The following MCF2L variants were observed in gnomAD, a reference collection of about 807,000 sequenced individuals.
The protein encoded by MCF2L is MCF.2 cell line derived transforming sequence like, also known as guanine nucleotide exchange factor DBS.
Under a neutral mutation model 153.4 loss-of-function variants are expected in MCF2L, and 97 were observed. The ratio of observed to expected loss-of-function variants is 0.63; its 90% CI spans 0.54 to 0.75. The LOEUF (loss-of-function observed/expected upper bound fraction) is 0.75. Ranked by LOEUF, MCF2L falls within the 30% of genes least tolerant of loss-of-function variation. The pLI is 0.00. For synonymous variants in MCF2L, 659 were observed against 632.2 expected, an observed-to-expected ratio of 1.04 and a Z score of -0.64; for missense variants, 1,347 against 1,495.2, an observed-to-expected ratio of 0.90 and a Z score of 1.64.
At chr13:113,080,361 G>A (rs1340266990) in intron 15 of MCF2L, among the ~76,000 whole-genome samples, 1 of 152,124 alleles carries the variant, frequency 6.6e-6, no homozygotes, top group African/African-American at 2.4e-5. Flanking sequence ...GCCCTGAGAC[G>A]CAGAAGGAGT....
At chr13:112,988,109 A>G (rs980514813) in intron 1 of MCF2L, among the ~76,000 whole-genome samples, 2 of 152,126 alleles carry the variant, frequency 1.3e-5, no homozygotes, top group African/African-American at 2.4e-5. Flanking sequence ...TGGGGCTGAG[A>G]CCAGGAGTTT....
rs1456342136 is a variant in MCF2L at position 112,983,390 on chromosome 13, C to T, written c.79+13932C>T. Among the ~76,000 whole-genome samples the T allele has an allele frequency of 1.3e-5, 2 of 152,254 alleles. No homozygotes were observed. The highest frequency in any genetic ancestry group is 2.9e-5 in the Non-Finnish European group (2 of 68,050). On this transcript the variant is annotated intron_variant, in intron 1 of 29. Transcript: ENST00000535094. The surrounding 1 kb of genome is among the most constrained non-coding windows in gnomAD (Gnocchi z 4.0). ...CTGCGGAAACCCAGGCCGGACCTCA[C>T]AATTGCAGGATGAGCCTCCTCCCTT...
intron 1 of MCF2L, among the ~76,000 whole-genome samples, chr13:112,986,407 C>A (rs116046659): frequency 6.6e-6 from 1 of 152,316 alleles, no homozygotes; most frequent in South Asian, 2.1e-4. Flanking sequence ...GAGCGTCCCA[C>A]GAACGGTGTG....
chr13:112,967,518 G>A (rs1303628493), upstream of MCF2L: 1 of 152,156 alleles, frequency 6.6e-6, no homozygotes, highest in Non-Finnish European at 1.5e-5. Flanking sequence ...CTTTCTATCT[G>A]GTTATTATGC....
At chr13:113,076,920 C>T (rs867587803) in intron 12 of MCF2L, 132 bp from the exon 13 acceptor site, 11 of 992,474 alleles carry the variant, frequency 1.1e-5, no homozygotes, top group Admixed American at 5.1e-5. Context: ...AGCTGCGCTG[C>T]GCTGACAGAC....
chr13:113,051,720 A>T (rs968039646), intron 4 of MCF2L, among the ~76,000 whole-genome samples: 3 of 152,188 alleles, frequency 2.0e-5, no homozygotes, highest in African/African-American at 7.2e-5. Context: ...ACGAAAAAGA[A>T]TTCATGCCTT....
rs1276781146 is a variant in MCF2L at position 112,904,533 on chromosome 13, C to T, written c.169+2162C>T. 6.6e-6 allele frequency among the ~76,000 whole-genome samples: 1 copy of T among 152,228 alleles called. No homozygotes were observed. Among genetic ancestry groups the T allele is most frequent in the Non-Finnish European group, 1.5e-5 (1 of 68,026 alleles). ...TGGCTCTTAATAATGTCACATCTGA[C>T]TTCTTCCTCCCCTAACTCGCAAAAC... On this transcript the variant is annotated intron_variant, in intron 2 of 29. Transcript: ENST00000375608. This position sits in a 1 kb window ranked among gnomAD's most constrained non-coding sequence, Gnocchi z 4.2.
At chr13:112,920,496 C>T (rs1043976551) in intron 2 of MCF2L, among the ~76,000 whole-genome samples, 1 of 152,082 alleles carries the variant, frequency 6.6e-6, no homozygotes, top group Non-Finnish European at 1.5e-5. Flanking sequence ...TAGAATTTAC[C>T]ATCTGTTGAA....
chr13:112,927,476 G>A (rs1933203), intron 2 of MCF2L, among the ~76,000 whole-genome samples: 23,712 of 151,920 alleles, frequency 0.16, 1,990 homozygotes, highest in South Asian at 0.21. Context: ...ATAAATGACC[G>A]GGTCTGGGGA....
intron 2 of MCF2L, among the ~76,000 whole-genome samples, chr13:112,914,227 G>C (rs1459010217): frequency 6.6e-6 from 1 of 152,198 alleles, no homozygotes; most frequent in African/African-American, 2.4e-5. Context: ...AGAGGGCCTT[G>C]CCATGTGCGA....
intron 4 of MCF2L, among the ~76,000 whole-genome samples, chr13:113,048,332 AT>A (rs1401598616): frequency 1.3e-5 from 2 of 151,978 alleles, no homozygotes; most frequent in African/African-American, 4.8e-5. Flanking sequence ...AATTCTCAGA[AT>A]TGACCAACAT....
In MCF2L at chr13:113,085,036, C is replaced by G. The variant is rs879248319; in HGVS notation, c.2155-50C>G. ...CGTTACTCCCTTTCCTAGCCGACTC[C>G]TGAGGAATAATGAAAATTGTGCAAA... On this transcript the variant is annotated intron_variant, in intron 19 of 29. Transcript: ENST00000535094. The G allele has an allele frequency of 8.7e-6, 14 of 1,612,046 alleles. No individual in the cohort carries two copies. In the South Asian group the frequency reaches 1.2e-4, roughly 14 times the overall value.
chr13:112,987,084 C>T (rs1371912559), intron 1 of MCF2L, among the ~76,000 whole-genome samples: 1 of 151,920 alleles, frequency 6.6e-6, no homozygotes, highest in Non-Finnish European at 1.5e-5. Flanking sequence ...GGTCCTTTTA[C>T]ACAGATGGCA....
At chr13:112,950,737 T>G (rs1203000251) in intron 2 of MCF2L, among the ~76,000 whole-genome samples, 1 of 152,172 alleles carries the variant, frequency 6.6e-6, no homozygotes. Context: ...GTTCTAACAA[T>G]GAACTACAAA....
At chr13:113,061,155 C>T (rs1427921075) in intron 5 of MCF2L, among the ~76,000 whole-genome samples, 1 of 152,100 alleles carries the variant, frequency 6.6e-6, no homozygotes, top group Non-Finnish European at 1.5e-5. Context: ...TGGGAGGGAG[C>T]ACCCACTGCT....
At chr13:112,997,017 G>C (rs1463329929) in intron 1 of MCF2L, among the ~76,000 whole-genome samples, 1 of 152,252 alleles carries the variant, frequency 6.6e-6, no homozygotes, top group African/African-American at 2.4e-5. Flanking sequence ...CTAGGCGGGT[G>C]CTGCTGCCAG....
intron 18 of MCF2L, among the ~76,000 whole-genome samples, chr13:113,084,271 A>AC (rs1405745799): frequency 8.0e-5 from 12 of 149,506 alleles, no homozygotes; most frequent in African/African-American, 1.5e-4. Context: ...AACCTCCTGA[A>AC]CCCCAGAAAA....
intron 1 of MCF2L, among the ~76,000 whole-genome samples, chr13:112,974,977 A>T (rs550162343): frequency 1.8e-4 from 28 of 152,298 alleles, no homozygotes; most frequent in African/African-American, 6.7e-4. Context: ...CACTCTCAAC[A>T]TAGCCCCTTC....
At chr13:113,041,730 G>C (rs1292887326) in intron 3 of MCF2L, among the ~76,000 whole-genome samples, 1 of 152,180 alleles carries the variant, frequency 6.6e-6, no homozygotes, top group African/African-American at 2.4e-5. Flanking sequence ...GGCTGAGGGG[G>C]TGTGGACGAG....
Sources: gnomAD v4.1 joint callset for allele counts (sites outside exome capture counted in the v4.1 genomes callset) on GRCh38, gnomAD v4.1.1 for gene constraint, Gnocchi (gnomAD v3.1) non-coding constraint, MANE v1.5 for transcripts, NCBI Gene and HGNC (gene_info 2026-07-23, HGNC 2026-07-21) for gene names.